KDM5B: variants seen among roughly 807,000 people sequenced by gnomAD.
KDM5B encodes the protein lysine demethylase 5B.
Under a neutral mutation model 193.4 loss-of-function variants are expected in KDM5B, and 144 were observed. That is an observed-to-expected ratio of 0.74 (90% CI 0.65 to 0.86). KDM5B has a LOEUF of 0.86. Among genes scored for constraint, KDM5B ranks in the 40% least tolerant of loss-of-function variants. The pLI, the probability that KDM5B is intolerant of heterozygous loss-of-function variation, is 0.00. For synonymous variants in KDM5B, 668 were observed against 682.6 expected, an observed-to-expected ratio of 0.98 and a Z score of 0.33; for missense variants, 1,833 against 1,886.9, an observed-to-expected ratio of 0.97 and a Z score of 0.53.
At chr1:202,750,861 A>C in intron 12 of KDM5B, 83 bp from the exon 13 acceptor site, 5 of 1,401,018 alleles carry the variant, frequency 3.6e-6, no homozygotes, top group Non-Finnish European at 3.9e-6. Context: ...AGTCTATTAG[A>C]TAATTTTCAA....
intron 17 of KDM5B, 61 bp from the exon 18 acceptor site, chr1:202,742,566 G>A: frequency 6.3e-7 from 1 of 1,599,620 alleles, no homozygotes; most frequent in Non-Finnish European, 8.6e-7. Flanking sequence ...CCACACCCAG[G>A]TGGTCACAGA....
rs780799311 is a variant in KDM5B, at chr1:202,750,670, T to C, written c.1810A>G (p.Thr604Ala). ...FNFAEAVNFC[T>A]VDWLPLGRQC... ...TTGTAATTACATACCCAATCAACAG[T>C]GCAGAAGTTAACAGCCTCAGCAAAA... The change falls in exon 13 of 27, where the codon ACT becomes GCT. Residue 604 changes from threonine (T) to alanine (A), a missense_variant. Around this residue, in one of 3 missense-constraint regions of KDM5B, gnomAD observed 1,379 missense variants for 1,349.6 expected, o/e 1.02. Transcript: ENST00000367265. 2 of 1,613,976 alleles carry C rather than the reference T, an allele frequency of 1.2e-6. No individual in the cohort carries two copies. The highest frequency in any genetic ancestry group is 8.5e-7 in the Non-Finnish European group (1 of 1,179,862).
rs2102235707 is a variant in KDM5B at position 202,742,672 on chromosome 1, A to G, written c.2457T>C (p.Asn819=). 1 of 1,614,096 alleles carries G rather than the reference A, an allele frequency of 6.2e-7. No homozygotes were observed. Among genetic ancestry groups the G allele is most frequent in the Non-Finnish European group, 8.5e-7 (1 of 1,180,002 alleles). The change falls in exon 17 of 27, where the codon AAT becomes AAC. Residue 819 remains asparagine (N), a synonymous_variant. Coordinates refer to ENST00000367265, the MANE Select transcript of KDM5B (RefSeq NM_006618.5). Reference sequence around the variant, plus strand: ...GCGCATACCTAGTTTGCCTTTTGCCATTAAGCAACTGCTGCGCAACAGAGG... The same window carrying G: ...GCGCATACCTAGTTTGCCTTTTGCCGTTAAGCAACTGCTGCGCAACAGAGG... ...KCASVAQQLL[N]GKRQTRYRSG...
chr1:202,734,121 G>GT (rs1361445877), intron 22 of KDM5B, among the ~76,000 whole-genome samples: 1 of 152,200 alleles, frequency 6.6e-6, no homozygotes, highest in African/African-American at 2.4e-5. Flanking sequence ...GAGATGACAA[G>GT]TAAGAGATGT....
At chr1:202,804,810 G>A (rs1160720829) in intron 1 of KDM5B, among the ~76,000 whole-genome samples, 1 of 149,898 alleles carries the variant, frequency 6.7e-6, no homozygotes, top group African/African-American at 2.4e-5. Flanking sequence ...GGGAGGCAGA[G>A]GTTGTGATGA....
chr1:202,778,407 T>C (rs2102306804), intron 1 of KDM5B, among the ~76,000 whole-genome samples: 1 of 152,178 alleles, frequency 6.6e-6, no homozygotes, highest in Admixed American at 6.5e-5. Flanking sequence ...TGTTAATAGG[T>C]TTCAGTCTGG....
At chr1:202,756,630 G>A (rs1297609324) in intron 9 of KDM5B, 114 bp from the exon 10 acceptor site, 1 of 719,444 alleles carries the variant, frequency 1.4e-6, no homozygotes, top group Non-Finnish European at 2.1e-6. Context: ...TGTCTATAAT[G>A]TTCTATAATT....
At chr1:202,779,257 A>G (rs565960231) in intron 1 of KDM5B, among the ~76,000 whole-genome samples, 19 of 152,102 alleles carry the variant, frequency 1.2e-4, no homozygotes, top group Non-Finnish European at 2.6e-4. Context: ...GCGGTGACTC[A>G]CGCCTGTAAT....
At position 202,727,311 on chromosome 1, in the gene KDM5B, C is replaced by T. The variant is rs543206029; in HGVS notation, c.*1725G>A. 3.9e-5 allele frequency: 6 copies of T among 152,346 alleles called. No individual in the cohort carries two copies. In the East Asian group the frequency reaches 7.7e-4, roughly 20 times the overall value. 9.4% of individuals were successfully genotyped at this position (152,346 alleles called of 1,614,324 possible). A position where few individuals can be genotyped will look rare whatever the true frequency, so the allele number is the denominator to read the frequency against. ...CAAACCACGATGATTCCAAATTGTA[C>T]TCTGGAGACTATTCTTCTCTATTGG... On this transcript the variant is annotated 3_prime_UTR_variant, in exon 27 of 27. Transcript: ENST00000367265.
At chr1:202,741,752 A>G (rs935529310) in intron 18 of KDM5B, 30 bp from the exon 19 acceptor site, 38 of 1,322,534 alleles carry the variant, frequency 2.9e-5, no homozygotes, top group Non-Finnish European at 3.6e-5. Context: ...TTGTTGCATT[A>G]AAACAGTAAT....
chr1:202,733,469 G>C lies in KDM5B; in HGVS notation c.3841C>G (p.Arg1281Gly), dbSNP rs866525850. The C allele has an allele frequency of 6.2e-7, 1 of 1,613,972 alleles. No individual in the cohort carries two copies. Among genetic ancestry groups the C allele is most frequent in the African/African-American group, 1.3e-5 (1 of 74,916 alleles). Residue 1281 changes from arginine (R) to glycine (G), a missense_variant, in exon 23 of 27, where the codon CGA becomes GGA. Coordinates refer to ENST00000367265, the MANE Select transcript of KDM5B (RefSeq NM_006618.5). ...CTATATAACAGTCCTGAGCCCACTCGATCTTGCACAAATTTAAGATTCCCT... is the reference window on the plus strand; with the variant it reads ...CTATATAACAGTCCTGAGCCCACTCCATCTTGCACAAATTTAAGATTCCCT... ...SSGNLKFVQD[R>G]VGSGLLYSRW...
Position 202,725,346 on chromosome 1 carries a change from T to A in KDM5B, c.*3690A>T, listed in dbSNP as rs1654637520. 6.6e-6 allele frequency: 1 copy of A among 152,262 alleles called. No homozygotes were observed. Among genetic ancestry groups the A allele is most frequent in the African/African-American group, 2.4e-5 (1 of 41,466 alleles). 9.4% of individuals were successfully genotyped at this position (152,262 alleles called of 1,614,324 possible). ...CATCTTGAAGATGGATTTACAACAGTATTACTTTATACAAATTCCTACTTT... is the reference window on the plus strand; with the variant it reads ...CATCTTGAAGATGGATTTACAACAGAATTACTTTATACAAATTCCTACTTT... On this transcript the variant is annotated 3_prime_UTR_variant, in exon 27 of 27. Coordinates refer to ENST00000367265, the MANE Select transcript of KDM5B (RefSeq NM_006618.5).
chr1:202,757,336 T>C (rs1391201282), intron 9 of KDM5B, among the ~76,000 whole-genome samples: 2 of 152,156 alleles, frequency 1.3e-5, no homozygotes, highest in African/African-American at 2.4e-5. Flanking sequence ...ACTTCCAGTA[T>C]ATATGATATA....
intron 1 of KDM5B, among the ~76,000 whole-genome samples, chr1:202,802,924 C>T (rs1034045878): frequency 2.6e-5 from 4 of 152,092 alleles, no homozygotes; most frequent in African/African-American, 9.7e-5. Flanking sequence ...CAAAATAATT[C>T]AGGCCAGGTG....
chr1:202,803,363 A>G (rs921401053), intron 1 of KDM5B, among the ~76,000 whole-genome samples: 2 of 152,184 alleles, frequency 1.3e-5, no homozygotes, highest in African/African-American at 4.8e-5. Flanking sequence ...TATCATTCAC[A>G]TTACATTCTT....
At position 202,731,854 on chromosome 1, in the gene KDM5B, G is replaced by A. The variant is rs908947741; in HGVS notation, c.3995C>T (p.Thr1332Ile). 6.2e-7 allele frequency: 1 copy of A among 1,612,980 alleles called. No individual in the cohort carries two copies. Among genetic ancestry groups the A allele is most frequent in the Non-Finnish European group, 8.5e-7 (1 of 1,179,068 alleles). Reference sequence around the variant, plus strand: ...ATGGAGGGGGATACAACTTCGTCCAGTTGAGAAGGGGGAGTGCAAATATGA... The same window carrying A: ...ATGGAGGGGGATACAACTTCGTCCAATTGAGAAGGGGGAGTGCAAATATGA... Reference protein sequence around the residue: ...RTSYLHSPFSTGRSCIPLHGV... With the variant: ...RTSYLHSPFSIGRSCIPLHGV... Residue 1332 changes from threonine (T) to isoleucine (I), a missense_variant, in exon 24 of 27, where the codon ACT becomes ATT. By Grantham distance (89) the Thr-to-Ile change is moderately conservative. This residue lies in a region of KDM5B where 1,379 missense variants were observed against 1,349.6 expected (regional missense o/e 1.02). Coordinates refer to ENST00000367265, the MANE Select transcript of KDM5B (RefSeq NM_006618.5).
intron 20 of KDM5B, among the ~76,000 whole-genome samples, chr1:202,736,644 T>G (rs888083936): frequency 1.1e-4 from 17 of 148,226 alleles, no homozygotes; most frequent in Admixed American, 3.4e-4. Flanking sequence ...GGTAGTGTTG[T>G]TTTTTTTTTC....
Position 202,745,377 on chromosome 1 carries a change from G to T in KDM5B, c.2323+481C>A, listed in dbSNP as rs115969321. ...TTTCATAAGAAAAAAGAGAGAGAGA[G>T]ATATAAAGGGTAGCAGTGACTTTCA... is the stretch of plus-strand genomic sequence containing the variant. On this transcript the variant is annotated intron_variant, in intron 16 of 26. Coordinates refer to ENST00000367265, the MANE Select transcript of KDM5B (RefSeq NM_006618.5). Among the ~76,000 whole-genome samples the T allele has an allele frequency of 5.4e-3, 817 of 152,252 alleles. 4 individuals are homozygous for T. The highest frequency in any genetic ancestry group is 0.011 in the African/African-American group (460 of 41,552).
intron 1 of KDM5B, among the ~76,000 whole-genome samples, chr1:202,787,832 G>T (rs1657475091): frequency 1.3e-5 from 2 of 151,782 alleles, no homozygotes; most frequent in African/African-American, 4.8e-5. Context: ...GGAGGTTGCA[G>T]TGAGCCAAGA....
Sources: gnomAD v4.1 joint callset for allele counts (sites outside exome capture counted in the v4.1 genomes callset) on GRCh38, gnomAD v4.1.1 for gene constraint, gnomAD v4.1.1 regional missense constraint, MANE v1.5 for transcripts, NCBI Gene and HGNC (gene_info 2026-07-23, HGNC 2026-07-21) for gene names.